The following HIVEP3 variants were observed in gnomAD, a reference collection of about 807,000 sequenced individuals.
The protein encoded by HIVEP3 is transcription factor HIVEP3.
Under a neutral mutation model 152.8 loss-of-function variants are expected in HIVEP3, and 49 were observed. The ratio of observed to expected loss-of-function variants is 0.32; its 90% CI spans 0.26 to 0.41. HIVEP3 has a LOEUF of 0.41. HIVEP3 is among the 10% of genes least tolerant of loss of function. The pLI is 1.00. For missense variants in HIVEP3, 2,790 were observed against 3,103.3 expected, an observed-to-expected ratio of 0.90 and a Z score of 2.40; for synonymous variants, 1,269 against 1,289.0, an observed-to-expected ratio of 0.98 and a Z score of 0.33.
Position 41,511,376 on chromosome 1 carries a change from A to G in HIVEP3, c.6406-110T>C. 1 of 1,024,352 alleles carries G rather than the reference A, an allele frequency of 9.8e-7. No individual in the cohort carries two copies. Among genetic ancestry groups the G allele is most frequent in the East Asian group, 2.6e-5 (1 of 38,238 alleles). The allele number at this position is 1,024,352 out of a possible 1,614,324, so 63.5% of individuals were successfully genotyped here. A position where few individuals can be genotyped will look rare whatever the true frequency, so the allele number is the denominator to read the frequency against. ...TCGCCCAAGATCACAGAGCGAGTCC[A>G]GGGTCCCGGCTGAGCTGAGCCCAGA... On this transcript the variant is annotated intron_variant, in intron 8 of 8. Coordinates refer to ENST00000372583, the MANE Select transcript of HIVEP3 (RefSeq NM_024503.5). This position sits in a 1 kb window ranked among gnomAD's most constrained non-coding sequence, Gnocchi z 4.9.
chr1:42,009,213 T>A (rs1242956946), intron 1 of HIVEP3, among the ~76,000 whole-genome samples: 1 of 152,242 alleles, frequency 6.6e-6, no homozygotes, highest in Admixed American at 6.5e-5. Flanking sequence ...TGCCATTGTC[T>A]ACTGGTATCT....
At chr1:41,758,719 T>G (rs2124240432) in intron 1 of HIVEP3, among the ~76,000 whole-genome samples, 1 of 152,362 alleles carries the variant, frequency 6.6e-6, no homozygotes, top group African/African-American at 2.4e-5. Flanking sequence ...CAGCATCATG[T>G]TGGACAAACT....
At chr1:41,985,223 A>G (rs1273284055) in intron 1 of HIVEP3, among the ~76,000 whole-genome samples, 8 of 152,242 alleles carry the variant, frequency 5.3e-5, no homozygotes, top group Admixed American at 5.2e-4. Flanking sequence ...GCAAGATGAC[A>G]GTACCACAAA....
intron 1 of HIVEP3, among the ~76,000 whole-genome samples, chr1:41,872,234 A>ATCT (rs1192753915): frequency 2.0e-4 from 30 of 152,364 alleles, no homozygotes; most frequent in Admixed American, 1.2e-3. Context: ...GTGGAAGAAG[A>ATCT]TTTACAGACA....
intron 1 of HIVEP3, among the ~76,000 whole-genome samples, chr1:41,819,589 C>G (rs561236157): frequency 6.6e-6 from 1 of 152,022 alleles, no homozygotes; most frequent in Non-Finnish European, 1.5e-5. Flanking sequence ...ATATAATTTC[C>G]GCTAAGATTT....
In HIVEP3 at chr1:41,751,248, C is replaced by T. The variant is rs1190778739; in HGVS notation, c.-800-50253G>A. On this transcript the variant is annotated intron_variant, in intron 1 of 8. Coordinates refer to ENST00000372583, the MANE Select transcript of HIVEP3 (RefSeq NM_024503.5). Reference sequence around the variant, plus strand: ...ATGGGACCATCCAGGGGCCAGAGGTCGTGATTAACTGGCAGGCTTTATTTC... The same window carrying T: ...ATGGGACCATCCAGGGGCCAGAGGTTGTGATTAACTGGCAGGCTTTATTTC... Among the ~76,000 whole-genome samples, 4 of 149,870 alleles carry T rather than the reference C, an allele frequency of 2.7e-5. No individual in the cohort carries two copies. The East Asian group carries it at 7.9e-4, about 30-fold the overall frequency.
chr1:41,983,455 C>T (rs768808122), intron 1 of HIVEP3, among the ~76,000 whole-genome samples: 2 of 152,116 alleles, frequency 1.3e-5, no homozygotes, highest in Non-Finnish European at 2.9e-5. Flanking sequence ...CAGACACACA[C>T]ATACACATAC....
At position 41,902,359 on chromosome 1, in the gene HIVEP3, G is replaced by T. The variant is rs1301070077; in HGVS notation, c.-801+16054C>A. Among the ~76,000 whole-genome samples the T allele has an allele frequency of 2.6e-5, 4 of 152,068 alleles. No individual in the cohort carries two copies. In the South Asian group the frequency reaches 8.3e-4, roughly 32 times the overall value. On this transcript the variant is annotated intron_variant, in intron 1 of 8. Transcript: ENST00000372583. ...GAGAGTGGAGAAGCAGGACAGAAAG[G>T]GGAGAGGCCAAGCCAAGCATGACCT...
chr1:41,714,916 T>G (rs548290738), intron 1 of HIVEP3, among the ~76,000 whole-genome samples: 1 of 152,168 alleles, frequency 6.6e-6, no homozygotes, highest in South Asian at 2.1e-4. Context: ...GGGGAGGTGT[T>G]GAGGTTCAGA....
intron 1 of HIVEP3, among the ~76,000 whole-genome samples, chr1:41,841,154 C>T (rs1643278755): frequency 6.6e-6 from 1 of 152,162 alleles, no homozygotes; most frequent in Non-Finnish European, 1.5e-5. Context: ...CCACCACTTC[C>T]TCTGCCCATC....
At chr1:41,996,514 G>A (rs1328758695) in intron 1 of HIVEP3, among the ~76,000 whole-genome samples, 2 of 152,046 alleles carry the variant, frequency 1.3e-5, no homozygotes, top group Admixed American at 1.3e-4. Context: ...CTCAAAGGTG[G>A]GGCTCCTTTG....
chr1:41,857,983 A>ATCTCTCTCTCTCTCTCTCTCTCTC (rs56967197), intron 1 of HIVEP3, among the ~76,000 whole-genome samples: 1 of 148,484 alleles, frequency 6.7e-6, no homozygotes, highest in African/African-American at 2.5e-5. Flanking sequence ...CAATCAATCA[A>ATCTCTCTCTCTCTCTCTCTCTCTC]TCTCTCTCTC....
chr1:41,750,150 T>C (rs1318884594), intron 1 of HIVEP3, among the ~76,000 whole-genome samples: 1 of 152,206 alleles, frequency 6.6e-6, no homozygotes, highest in Non-Finnish European at 1.5e-5. Context: ...TAAAACTCTC[T>C]AGCCTGCTTC....
At chr1:41,893,517 C>A (rs141249335) in intron 1 of HIVEP3, among the ~76,000 whole-genome samples, 44 of 151,198 alleles carry the variant, frequency 2.9e-4, no homozygotes, top group African/African-American at 1.1e-3. Flanking sequence ...ATACCTCCTA[C>A]AATGCCCAGG....
chr1:41,620,712 C>A (rs1376588829), intron 3 of HIVEP3, among the ~76,000 whole-genome samples: 11 of 152,146 alleles, frequency 7.2e-5, no homozygotes, highest in Admixed American at 7.2e-4. Context: ...CTCTGGTAAA[C>A]CTTCAGGCTT....
intron 1 of HIVEP3, among the ~76,000 whole-genome samples, chr1:41,998,783 T>C (rs1420568281): frequency 1.3e-5 from 2 of 151,484 alleles, no homozygotes; most frequent in Non-Finnish European, 2.9e-5. Flanking sequence ...GAAAATAAAA[T>C]AAGCTATCAT....
chr1:41,756,604 TTAAA>T (rs1331629792), intron 1 of HIVEP3, among the ~76,000 whole-genome samples: 1 of 152,182 alleles, frequency 6.6e-6, no homozygotes, highest in Non-Finnish European at 1.5e-5. Context: ...CAATAATTGG[TTAAA>T]TAGACTAGGA....
At position 41,585,305 on chromosome 1, in the gene HIVEP3, A is replaced by G. The variant is rs879731052; in HGVS notation, c.-508T>C. 1.8e-5 allele frequency: 7 copies of G among 399,046 alleles called. No homozygotes were observed. The Admixed American group carries it at 2.6e-4, about 15-fold the overall frequency. 24.7% of individuals were successfully genotyped at this position (399,046 alleles called of 1,614,324 possible). On this transcript the variant is annotated 5_prime_UTR_variant, in exon 4 of 9. Coordinates refer to ENST00000372583, the MANE Select transcript of HIVEP3 (RefSeq NM_024503.5). The stretch of plus-strand genomic sequence containing the variant: ...GGAGATCAACGGCCTTGGAGGAGAA[A>G]TCACGCTCTTCTTCTGTGTGATAGA...
intron 1 of HIVEP3, among the ~76,000 whole-genome samples, chr1:41,910,863 T>A (rs1347442613): frequency 6.6e-6 from 1 of 151,976 alleles, no homozygotes; most frequent in Non-Finnish European, 1.5e-5. Flanking sequence ...ATAAGGAATA[T>A]CAAATCCATA....
Sources: allele counts gnomAD v4.1 joint callset (sites outside exome capture counted in the v4.1 genomes callset), GRCh38; gene constraint gnomAD v4.1.1; non-coding constraint Gnocchi (gnomAD v3.1); transcripts MANE v1.5; gene names NCBI Gene and HGNC (gene_info 2026-07-23, HGNC 2026-07-21).